Variants in MCTP2 observed in about 807,000 individuals in gnomAD.
The protein encoded by MCTP2 is multiple C2 and transmembrane domain containing 2.
Under a neutral mutation model 111.6 loss-of-function variants are expected in MCTP2, and 132 were observed. That is an observed-to-expected ratio of 1.18 (90% CI 1.03 to 1.37). MCTP2 has a LOEUF of 1.37. Ranked by LOEUF, MCTP2 falls within the 40% of genes most tolerant of loss-of-function variation. MCTP2 has a pLI of 0.00. For synonymous variants in MCTP2, 395 were observed against 387.7 expected (o/e 1.02, Z -0.22); for missense variants, 1,183 against 1,067.9 (o/e 1.11, Z -1.50).
At chr15:94,371,863 G>A (rs956498986) in intron 12 of MCTP2, among the ~76,000 whole-genome samples, 16 of 152,072 alleles carry the variant, frequency 1.1e-4, no homozygotes, top group Non-Finnish European at 1.6e-4. Flanking sequence ...TAAGGGAAAC[G>A]CTTTTGAAAA....
At chr15:94,232,392 G>A (rs2070243218) in intron 1 of MCTP2, among the ~76,000 whole-genome samples, 1 of 152,154 alleles carries the variant, frequency 6.6e-6, no homozygotes, top group African/African-American at 2.4e-5. Flanking sequence ...GCTTGGTCTG[G>A]AAGGTACAAG....
At chr15:94,318,993 G>A (rs2076505987) in intron 4 of MCTP2, among the ~76,000 whole-genome samples, 1 of 149,282 alleles carries the variant, frequency 6.7e-6, no homozygotes, top group African/African-American at 2.5e-5. Context: ...AAACTGTGCT[G>A]TTTCAGTCCC....
chr15:94,402,073 T>A, intron 17 of MCTP2, 54 bp downstream of exon 17: 1 of 1,592,958 alleles, frequency 6.3e-7, no homozygotes. Context: ...CATCTATTCA[T>A]CTTTCTGAAA....
At chr15:94,430,751 C>CAAAAATA (rs1431423934) in intron 17 of MCTP2, among the ~76,000 whole-genome samples, 1 of 151,338 alleles carries the variant, frequency 6.6e-6, no homozygotes. Context: ...GACTACGTCT[C>CAAAAATA]AAAAATAAAA....
chr15:94,364,013 T>C (rs1051593884), intron 10 of MCTP2, among the ~76,000 whole-genome samples: 9 of 152,110 alleles, frequency 5.9e-5, no homozygotes, highest in South Asian at 2.1e-4. Flanking sequence ...TAACAGATCA[T>C]TGGATATTTT....
intron 1 of MCTP2, among the ~76,000 whole-genome samples, chr15:94,282,163 G>C (rs143931802): frequency 9.8e-4 from 149 of 152,290 alleles, no homozygotes; most frequent in African/African-American, 3.5e-3. Flanking sequence ...TTCTAACTCT[G>C]TGTCTTTCAG....
At chr15:94,275,141 A>G (rs1255908407) in intron 1 of MCTP2, among the ~76,000 whole-genome samples, 1 of 152,234 alleles carries the variant, frequency 6.6e-6, no homozygotes, top group Non-Finnish European at 1.5e-5. Context: ...AACTAGAAAT[A>G]GAAGAGAATT....
intron 1 of MCTP2, among the ~76,000 whole-genome samples, chr15:94,297,057 G>A (rs112074009): frequency 7.2e-5 from 11 of 152,318 alleles, no homozygotes; most frequent in African/African-American, 2.6e-4. Context: ...TAGAAAATGT[G>A]ATTTGTGGAA....
chr15:94,444,840 G>A (rs1012015805), intron 19 of MCTP2, among the ~76,000 whole-genome samples: 6 of 152,142 alleles, frequency 3.9e-5, no homozygotes, highest in African/African-American at 1.4e-4. Context: ...GTTTGGCCAA[G>A]CCTGTTTAAA....
chr15:94,232,265 T>G (rs1023401397), intron 1 of MCTP2, among the ~76,000 whole-genome samples: 3 of 151,268 alleles, frequency 2.0e-5, no homozygotes, highest in African/African-American at 7.3e-5. Context: ...GTTAAGCAAA[T>G]GTGCTGACGG....
At chr15:94,472,102 G>A (rs1378435668) in intron 21 of MCTP2, among the ~76,000 whole-genome samples, 1 of 152,248 alleles carries the variant, frequency 6.6e-6, no homozygotes, top group African/African-American at 2.4e-5. Context: ...TACTGGCTGG[G>A]TGCAGTGGCT....
chr15:94,258,628 C>T (rs770797175), intron 1 of MCTP2, among the ~76,000 whole-genome samples: 1 of 152,182 alleles, frequency 6.6e-6, no homozygotes, highest in Non-Finnish European at 1.5e-5. Flanking sequence ...CTATTTAAAT[C>T]ACGCTTGCCT....
intron 20 of MCTP2, among the ~76,000 whole-genome samples, chr15:94,463,046 G>A (rs1407139948): frequency 6.6e-6 from 1 of 152,132 alleles, no homozygotes. Flanking sequence ...CAACTGACCT[G>A]GCTCTTAGAA....
intron 1 of MCTP2, among the ~76,000 whole-genome samples, chr15:94,276,855 A>G (rs1255503126): frequency 6.6e-6 from 1 of 150,934 alleles, no homozygotes; most frequent in Non-Finnish European, 1.5e-5. Context: ...AAAAAAAAAA[A>G]AAAAGAGATA....
intron 1 of MCTP2, among the ~76,000 whole-genome samples, chr15:94,282,035 ATAGTATCT>A (rs1567325280): frequency 6.6e-6 from 1 of 152,118 alleles, no homozygotes; most frequent in Admixed American, 6.5e-5. Context: ...GTCATCTTGT[ATAGTATCT>A]TGCAGGGGTT....
chr15:94,315,818 C>T (rs543376197), intron 4 of MCTP2, among the ~76,000 whole-genome samples, 181 bp downstream of exon 4: 62 of 152,316 alleles, frequency 4.1e-4, no homozygotes, highest in African/African-American at 1.5e-3. Context: ...CTAAACCTTA[C>T]TATCCTTCTT....
chr15:94,313,885 T>C (rs186102094), intron 2 of MCTP2, among the ~76,000 whole-genome samples: 1 of 152,310 alleles, frequency 6.6e-6, no homozygotes, highest in East Asian at 1.9e-4. Context: ...ACGGACATGC[T>C]CGATTCTCTG....
At chr15:94,439,817 G>T (rs2083675389) in intron 17 of MCTP2, among the ~76,000 whole-genome samples, 1 of 152,138 alleles carries the variant, frequency 6.6e-6, no homozygotes, top group African/African-American at 2.4e-5. Context: ...AAAAGTAGTG[G>T]CTCTTTCCTG....
Position 94,257,547 on chromosome 15 carries a change from A to G in MCTP2, c.-66+25883A>G, listed in dbSNP as rs1177487322. Among the ~76,000 whole-genome samples, 6 of 89,016 alleles carry G rather than the reference A, an allele frequency of 6.7e-5. No individual in the cohort carries two copies. The Admixed American group carries it at 6.9e-4, about 10-fold the overall frequency. 58.4% of individuals were successfully genotyped at this position (89,016 alleles called of 152,430 possible). A position where few individuals can be genotyped will look rare whatever the true frequency, so the allele number is the denominator to read the frequency against. On this transcript the variant is annotated intron_variant, in intron 1 of 22. Transcript: ENST00000357742. ...TTCAGAACTATCACATTTTAAAAATATTTGTTGTCATTTTCTTTGTTGTTT... is the reference window on the plus strand; with the variant it reads ...TTCAGAACTATCACATTTTAAAAATGTTTGTTGTCATTTTCTTTGTTGTTT...
Sources: allele counts gnomAD v4.1 joint callset (sites outside exome capture counted in the v4.1 genomes callset), GRCh38; gene constraint gnomAD v4.1.1; transcripts MANE v1.5; gene names NCBI Gene and HGNC (gene_info 2026-07-23, HGNC 2026-07-21).